LAMC1: variants seen among roughly 807,000 people sequenced by gnomAD.
LAMC1 encodes laminin subunit gamma 1, also known as laminin subunit gamma-1.
In LAMC1, 38 loss-of-function variants were observed where a neutral mutation model predicts 173.6. The observed-to-expected ratio is 0.22, with a 90% CI of 0.17 to 0.29. LAMC1 has a LOEUF of 0.29. Ranked by LOEUF, LAMC1 falls within the 10% of genes least tolerant of loss-of-function variation. The pLI is 1.00. For synonymous variants in LAMC1, 746 were observed against 749.1 expected, an observed-to-expected ratio of 1.00 and a Z score of 0.07; for missense variants, 1,824 against 2,051.8, an observed-to-expected ratio of 0.89 and a Z score of 2.14.
chr1:183,087,392 C>CA (rs1255173988), intron 1 of LAMC1, among the ~76,000 whole-genome samples: 1 of 152,110 alleles, frequency 6.6e-6, no homozygotes, highest in African/African-American at 2.4e-5. Context: ...TCCGGGCCCT[C>CA]AAAATCTTAC....
rs1325399455 is a variant in LAMC1 at position 183,125,532 on chromosome 1, G to A, written c.2783G>A (p.Ser928Asn). 9.3e-6 allele frequency: 15 copies of A among 1,608,130 alleles called. No individual in the cohort carries two copies. Among genetic ancestry groups the A allele is most frequent in the South Asian group, 1.1e-5 (1 of 90,208 alleles). The change falls in exon 15 of 28, where the codon AGT becomes AAT. Residue 928 changes from serine to asparagine, a missense_variant. Transcript: ENST00000258341. ...GACCCTGGATTCTACAATCTGCAGA[G>A]TGGGCAAGGCTGTGAGAGGTGAGAC... ...ACDPGFYNLQ[S>N]GQGCERCDCH...
intron 5 of LAMC1, 116 bp downstream of exon 5, chr1:183,114,835 G>C (rs1656275291): frequency 2.0e-6 from 2 of 983,504 alleles, no homozygotes; most frequent in Admixed American, 5.2e-5. Context: ...ATACATTATT[G>C]TAACACAGAA....
chr1:183,043,473 T>A (rs771828010), intron 1 of LAMC1, among the ~76,000 whole-genome samples: 3 of 152,164 alleles, frequency 2.0e-5, no homozygotes, highest in Non-Finnish European at 4.4e-5. Flanking sequence ...GAAGACTATA[T>A]AAAAATGTGA....
chr1:183,103,683 G>C (rs372231846), intron 2 of LAMC1, 51 bp downstream of exon 2: 7 of 1,480,830 alleles, frequency 4.7e-6, no homozygotes, highest in Non-Finnish European at 6.3e-6. Context: ...AACATGCGAG[G>C]TGTGGGAAGA....
In LAMC1 at chr1:183,135,022, C is replaced by G. The variant is rs763571929; in HGVS notation, c.4000-20C>G. ...GATTTGCTTTGAGGGTTCATCCTCT[C>G]ATCTGCCATGTGTTTGCAGACCGCA... On this transcript the variant is annotated intron_variant, in intron 23 of 27. Coordinates refer to ENST00000258341, the MANE Select transcript of LAMC1 (RefSeq NM_002293.4). 14 of 1,582,978 alleles carry G rather than the reference C, an allele frequency of 8.8e-6. No homozygotes were observed. The highest frequency in any genetic ancestry group is 1.1e-5 in the Non-Finnish European group (13 of 1,151,926).
intron 1 of LAMC1, among the ~76,000 whole-genome samples, chr1:183,078,882 G>A (rs1478603386): frequency 6.6e-6 from 1 of 152,052 alleles, no homozygotes; most frequent in Non-Finnish European, 1.5e-5. Context: ...GCGTGGTGGT[G>A]CATGCCTGTA....
At chr1:183,079,864 A>T (rs1025147476) in intron 1 of LAMC1, among the ~76,000 whole-genome samples, 6 of 152,194 alleles carry the variant, frequency 3.9e-5, no homozygotes, top group Non-Finnish European at 7.3e-5. Flanking sequence ...AAAGAAACAT[A>T]AATGTTTTTA....
intron 14 of LAMC1, 38 bp downstream of exon 14, chr1:183,124,914 G>A: frequency 1.2e-6 from 2 of 1,605,366 alleles, no homozygotes; most frequent in Non-Finnish European, 1.7e-6. Context: ...ACAGCTAAAT[G>A]CCCCTTTATT....
At chr1:183,128,220 C>T (rs1329223554) in intron 17 of LAMC1, among the ~76,000 whole-genome samples, 1 of 152,174 alleles carries the variant, frequency 6.6e-6, no homozygotes, top group Admixed American at 6.5e-5. Context: ...CGAAGGTAAT[C>T]TGACACTCAA....
chr1:183,097,466 A>G (rs12041030), intron 1 of LAMC1, among the ~76,000 whole-genome samples: 15,857 of 152,218 alleles, frequency 0.1, 1,018 homozygotes, highest in Admixed American at 0.2. Flanking sequence ...GGCATTTTGC[A>G]ATTTTGTAAA....
chr1:183,083,791 T>C (rs1214499977), intron 1 of LAMC1, among the ~76,000 whole-genome samples: 1 of 152,220 alleles, frequency 6.6e-6, no homozygotes. Context: ...TCCAGTTTTT[T>C]TACATACATC....
chr1:183,090,665 T>C (rs546361492), intron 1 of LAMC1, among the ~76,000 whole-genome samples: 5 of 152,338 alleles, frequency 3.3e-5, no homozygotes, highest in East Asian at 1.9e-4. Context: ...CTTGTAGATA[T>C]CTAAATGAGA....
intron 13 of LAMC1, among the ~76,000 whole-genome samples, chr1:183,123,061 A>G (rs1656523741): frequency 6.6e-6 from 1 of 152,216 alleles, no homozygotes; most frequent in Non-Finnish European, 1.5e-5. Flanking sequence ...AAACAAATCC[A>G]AGTTAAATAT....
At chr1:183,052,317 A>G (rs961575111) in intron 1 of LAMC1, among the ~76,000 whole-genome samples, 2 of 151,186 alleles carry the variant, frequency 1.3e-5, no homozygotes, top group South Asian at 2.1e-4. Context: ...AGGCTAATCT[A>G]TCTATCTTTC....
At chr1:183,112,809 G>T (rs778073507) in intron 4 of LAMC1, among the ~76,000 whole-genome samples, 4 of 152,084 alleles carry the variant, frequency 2.6e-5, no homozygotes, top group Admixed American at 1.3e-4. Flanking sequence ...TCTAATTTTT[G>T]GTGGCAATAA....
chr1:183,102,597 GTC>G (rs1655863492), intron 1 of LAMC1, among the ~76,000 whole-genome samples: 1 of 152,228 alleles, frequency 6.6e-6, no homozygotes, highest in East Asian at 1.9e-4. Context: ...GCAGGGAACT[GTC>G]TGCCCCAGTG....
chr1:183,123,780 C>T (rs1056073800), intron 13 of LAMC1, among the ~76,000 whole-genome samples: 1 of 152,214 alleles, frequency 6.6e-6, no homozygotes, highest in Non-Finnish European at 1.5e-5. Flanking sequence ...AGACCTTGTC[C>T]ACCTTGTTCA....
At chr1:183,038,309 G>A (rs1654036597) in intron 1 of LAMC1, among the ~76,000 whole-genome samples, 1 of 152,150 alleles carries the variant, frequency 6.6e-6, no homozygotes, top group African/African-American at 2.4e-5. Context: ...TTACAGGCGT[G>A]AGCCACTGCT....
chr1:183,103,420 C>T lies in LAMC1; in HGVS notation c.511C>T (p.Pro171Ser), dbSNP rs777048020. The T allele has an allele frequency of 1.2e-6, 2 of 1,614,164 alleles. No individual in the cohort carries two copies. Among genetic ancestry groups the T allele is most frequent in the Non-Finnish European group, 1.7e-6 (2 of 1,180,016 alleles). The change falls in exon 2 of 28, where the codon CCC becomes TCC. Residue 171 changes from proline (P) to serine (S), a missense_variant. Transcript: ENST00000258341. ...AIYKRTREDG[P>S]WIPYQYYSGS... ...TTACAAGCGCACACGGGAAGACGGG[C>T]CCTGGATTCCTTACCAGTACTACAG...
Sources: gnomAD v4.1 joint callset for allele counts (sites outside exome capture counted in the v4.1 genomes callset) on GRCh38, gnomAD v4.1.1 for gene constraint, MANE v1.5 for transcripts, NCBI Gene and HGNC (gene_info 2026-07-23, HGNC 2026-07-21) for gene names.